The following ZNF804B variants were observed in gnomAD, a reference collection of about 807,000 sequenced individuals.
ZNF804B encodes zinc finger protein 804B.
In ZNF804B, 80 loss-of-function variants were observed where a neutral mutation model predicts 101.4. The observed-to-expected ratio is 0.79, with a 90% CI of 0.66 to 0.95. The LOEUF is 0.95. Among genes scored for constraint, ZNF804B ranks in the 40% least tolerant of loss-of-function variants. ZNF804B has a pLI of 0.00. For synonymous variants in ZNF804B, 622 were observed against 558.8 expected (o/e 1.11, Z -1.59); for missense variants, 1,673 against 1,561.9 (o/e 1.07, Z -1.20).
chr7:89,041,342 T>TG (rs1260057328), intron 1 of ZNF804B, among the ~76,000 whole-genome samples: 1 of 152,184 alleles, frequency 6.6e-6, no homozygotes, highest in Non-Finnish European at 1.5e-5. Context: ...TGGGCAGGCC[T>TG]GGTGCCAGGG....
intron 1 of ZNF804B, among the ~76,000 whole-genome samples, chr7:88,913,060 C>A (rs1315526129): frequency 2.6e-5 from 4 of 152,246 alleles, no homozygotes; most frequent in Non-Finnish European, 4.4e-5. Context: ...TCCTGGTCAA[C>A]AAAGCCAGCA....
chr7:89,126,681 G>C (rs1037824760), intron 1 of ZNF804B, among the ~76,000 whole-genome samples: 4 of 151,500 alleles, frequency 2.6e-5, no homozygotes, highest in African/African-American at 9.7e-5. Context: ...TTTTATTTTT[G>C]GAACACATAA....
At chr7:88,823,411 T>G (rs1791011734) in intron 1 of ZNF804B, among the ~76,000 whole-genome samples, 1 of 152,150 alleles carries the variant, frequency 6.6e-6, no homozygotes, top group Non-Finnish European at 1.5e-5. Flanking sequence ...TAGATGTACT[T>G]GAGATTCAGA....
chr7:88,919,772 A>T (rs1195481717), intron 1 of ZNF804B, among the ~76,000 whole-genome samples: 3 of 152,100 alleles, frequency 2.0e-5, no homozygotes, highest in African/African-American at 2.4e-5. Context: ...TACTGTAATA[A>T]TTCTGATTAA....
intron 2 of ZNF804B, among the ~76,000 whole-genome samples, chr7:89,300,913 G>GC (rs1286823320): frequency 1.3e-5 from 2 of 151,752 alleles, no homozygotes; most frequent in African/African-American, 2.4e-5. Context: ...GATCTCTCTA[G>GC]CAGTAGGTGG....
intron 1 of ZNF804B, among the ~76,000 whole-genome samples, chr7:89,202,523 A>G (rs547474224): frequency 6.6e-6 from 1 of 152,260 alleles, no homozygotes; most frequent in African/African-American, 2.4e-5. Context: ...ATTTCTAAAT[A>G]TGTTGTTAAA....
chr7:89,307,261 C>A (rs1331996054), intron 2 of ZNF804B, among the ~76,000 whole-genome samples: 1 of 151,860 alleles, frequency 6.6e-6, no homozygotes, highest in Non-Finnish European at 1.5e-5. Context: ...ATATAAAGCA[C>A]ACAATGAACC....
chr7:88,820,007 C>T (rs564505394), intron 1 of ZNF804B, among the ~76,000 whole-genome samples: 143 of 152,242 alleles, frequency 9.4e-4, no homozygotes, highest in African/African-American at 3.2e-3. Context: ...AACTTAATGT[C>T]ATTTAAGTTG....
chr7:89,168,682 C>CTTTTTTTTTTTTTTTTTTTTTTTT (rs372503661), intron 1 of ZNF804B, among the ~76,000 whole-genome samples: 2 of 115,746 alleles, frequency 1.7e-5, no homozygotes, highest in Non-Finnish European at 1.8e-5. Flanking sequence ...GAGCTGAATA[C>CTTTTTTTTTTTTTTTTTTTTTTTT]TTTTTTTTTT....
At chr7:89,163,212 A>G (rs990815825) in intron 1 of ZNF804B, among the ~76,000 whole-genome samples, 1 of 152,278 alleles carries the variant, frequency 6.6e-6, no homozygotes, top group East Asian at 1.9e-4. Flanking sequence ...CCAGTAAGTA[A>G]CATTATCATC....
chr7:88,764,848 A>G (rs1217222420), intron 1 of ZNF804B, among the ~76,000 whole-genome samples: 1 of 152,158 alleles, frequency 6.6e-6, no homozygotes, highest in East Asian at 1.9e-4. Flanking sequence ...CCTCTTCTTG[A>G]ATTCATGAAT....
In ZNF804B at chr7:89,337,536, G is replaced by C. The variant is rs1283979196; in HGVS notation, c.*504G>C. Reference sequence around the variant, plus strand: ...TTTTCAATTAATGTAGTCTGTTACTGTATTTTCATAGGAAATAAGAACAAG... The same window carrying C: ...TTTTCAATTAATGTAGTCTGTTACTCTATTTTCATAGGAAATAAGAACAAG... On this transcript the variant is annotated 3_prime_UTR_variant, in exon 4 of 4. Transcript: ENST00000333190. Among the ~76,000 whole-genome samples, 1 of 152,032 alleles carries C rather than the reference G, an allele frequency of 6.6e-6. No individual in the cohort carries two copies.
At chr7:89,287,571 G>A (rs1332709443) in intron 2 of ZNF804B, among the ~76,000 whole-genome samples, 3 of 152,046 alleles carry the variant, frequency 2.0e-5, no homozygotes, top group African/African-American at 7.2e-5. Context: ...CTATTTGTTG[G>A]GGGCACCTAA....
intron 2 of ZNF804B, among the ~76,000 whole-genome samples, chr7:89,225,381 T>C (rs1374949089): frequency 6.6e-6 from 1 of 152,042 alleles, no homozygotes; most frequent in Non-Finnish European, 1.5e-5. Context: ...TATTATTCTT[T>C]AAAAAGAAAA....
chr7:89,156,065 T>TTTCC lies in ZNF804B; in HGVS notation c.109-62087_109-62086insCTTC, dbSNP rs1562899765. On this transcript the variant is annotated intron_variant, in intron 1 of 3. Transcript: ENST00000333190. ...CTTTCTTTCTTTCTTTCTTTCTTTC[T>TTTCC]TTCTTTCTCTCTTTCTCTCTTTCCT... 6.8e-3 allele frequency among the ~76,000 whole-genome samples: 553 copies of TTTCC among 80,960 alleles called. 9 individuals carry two copies. The highest frequency in any genetic ancestry group is 0.013 in the Middle Eastern group (2 of 152). The allele number at this position is 80,960 out of a possible 152,430, so 53.1% of individuals were successfully genotyped here. A position where few individuals can be genotyped will look rare whatever the true frequency, so the allele number is the denominator to read the frequency against.
At chr7:88,771,055 A>G (rs1392059072) in intron 1 of ZNF804B, among the ~76,000 whole-genome samples, 1 of 152,186 alleles carries the variant, frequency 6.6e-6, no homozygotes, top group African/African-American at 2.4e-5. Flanking sequence ...TATTAAAAAT[A>G]CTGTTCACAT....
intron 2 of ZNF804B, among the ~76,000 whole-genome samples, chr7:89,237,793 T>A (rs73397197): frequency 0.047 from 7,213 of 152,232 alleles, 552 homozygotes; most frequent in African/African-American, 0.16. Context: ...CTCTATATGC[T>A]ATGGGAAAAT....
intron 1 of ZNF804B, among the ~76,000 whole-genome samples, chr7:88,922,395 C>T (rs1792731151): frequency 1.3e-5 from 2 of 151,920 alleles, no homozygotes; most frequent in Admixed American, 6.6e-5. Context: ...ACTCACATAT[C>T]GAACTAAAGT....
rs191276254 is a variant in ZNF804B, at chr7:89,052,520, C to T, written c.109-165635C>T. On this transcript the variant is annotated intron_variant, in intron 1 of 3. Coordinates refer to ENST00000333190, the MANE Select transcript of ZNF804B (RefSeq NM_181646.5). ...ACTAAGGCAAAATTGCTACATTGAA[C>T]ATTACAATTTAAAAGTACACATCAA... Among the ~76,000 whole-genome samples the T allele has an allele frequency of 3.3e-3, 496 of 152,194 alleles. 2 individuals carry two copies. The highest frequency in any genetic ancestry group is 0.01 in the Middle Eastern group (3 of 294).
Sources: allele counts gnomAD v4.1 joint callset (sites outside exome capture counted in the v4.1 genomes callset), GRCh38; gene constraint gnomAD v4.1.1; transcripts MANE v1.5; gene names NCBI Gene and HGNC (gene_info 2026-07-23, HGNC 2026-07-21).